Variants in GLIS3 observed in about 807,000 individuals in gnomAD.
The protein encoded by GLIS3 is GLIS family zinc finger 3.
A neutral mutation model predicts 78.6 loss-of-function variants in GLIS3; 53 were observed. That is an observed-to-expected ratio of 0.67 (90% CI 0.54 to 0.85). The LOEUF (loss-of-function observed/expected upper bound fraction) is 0.85. GLIS3 is among the 40% of genes least tolerant of loss of function. The probability of loss-of-function intolerance (pLI) is 0.00; values close to 1 mark genes in which losing one functional copy is unlikely to be tolerated. For synonymous variants in GLIS3, 684 were observed against 509.9 expected, an observed-to-expected ratio of 1.34 and a Z score of -4.60; for missense variants, 1,703 against 1,231.1, an observed-to-expected ratio of 1.38 and a Z score of -5.74.
chr9:3,839,788 A>G lies in GLIS3; in HGVS notation c.2474-10296T>C, dbSNP rs566026899. Among the ~76,000 whole-genome samples, 231 of 152,310 alleles carry G rather than the reference A, an allele frequency of 1.5e-3. 2 individuals are homozygous for G. The highest frequency in any genetic ancestry group is 4.6e-4 in the Non-Finnish European group (31 of 68,022). On this transcript the variant is annotated intron_variant, in intron 9 of 10. Transcript: ENST00000381971. ...TTTCTCACTGCCAGGTTGCAGGCAA[A>G]GTTACCCAGACTGCATCAACATTTT...
At chr9:4,059,829 T>TGTGTGTGTGTGTGTGTGTGAGAGAGAGA in intron 4 of GLIS3, among the ~76,000 whole-genome samples, 5 of 100,704 alleles carry the variant, frequency 5.0e-5, no homozygotes, top group Non-Finnish European at 1.0e-4. Flanking sequence ...TGTGTGTGTG[T>TGTGTGTGTGTGTGTGTGTGAGAGAGAGA]GAGAGAGAGA....
rs561397173 is a variant in GLIS3, at chr9:4,294,509, CA to C, written c.-99+4911del. ...GGGCAGCAAGAGCGAAATTATGTCT[CA>C]AAAAAAAAAAAAATTACAGAATAAT... On this transcript the variant is annotated intron_variant, in intron 1 of 10. Transcript: ENST00000381971. Among the ~76,000 whole-genome samples the C allele has an allele frequency of 6.1e-3, 822 of 135,694 alleles. 3 individuals carry two copies. Among genetic ancestry groups the C allele is most frequent in the African/African-American group, 0.014 (524 of 37,362 alleles). The allele number at this position is 135,694 out of a possible 152,430, so 89.0% of individuals were successfully genotyped here.
chr9:4,084,256 A>ACACACACACACACACAC (rs1828812518), intron 4 of GLIS3, among the ~76,000 whole-genome samples: 7 of 132,108 alleles, frequency 5.3e-5, no homozygotes, highest in African/African-American at 8.3e-5. Flanking sequence ...TCCTCTCTCT[A>ACACACACACACACACAC]ACACACACAC....
chr9:4,257,300 G>C (rs1001936733), intron 2 of GLIS3, among the ~76,000 whole-genome samples: 2 of 152,086 alleles, frequency 1.3e-5, no homozygotes, highest in African/African-American at 4.8e-5. Flanking sequence ...ATTGAATACA[G>C]TACATAGAAG....
intron 4 of GLIS3, among the ~76,000 whole-genome samples, chr9:3,950,675 A>G (rs1816617479): frequency 6.6e-6 from 1 of 152,248 alleles, no homozygotes; most frequent in Non-Finnish European, 1.5e-5. Context: ...AGTCTCTCAC[A>G]TATATGCCCT....
At chr9:4,391,832 G>A in the GLIS3 span, among the ~76,000 whole-genome samples, 1 of 152,128 alleles carries the variant, frequency 6.6e-6, no homozygotes, top group Non-Finnish European at 1.5e-5. Flanking sequence ...CATTGTGGAA[G>A]ACAATGTGGC....
intron 4 of GLIS3, among the ~76,000 whole-genome samples, chr9:4,062,150 C>T (rs1056324028): frequency 6.6e-6 from 1 of 152,266 alleles, no homozygotes; most frequent in East Asian, 1.9e-4. Context: ...AAGGACTGTG[C>T]GTTCTTTGAC....
At chr9:3,919,088 C>T (rs1234742223) in intron 6 of GLIS3, among the ~76,000 whole-genome samples, 1 of 152,122 alleles carries the variant, frequency 6.6e-6, no homozygotes, top group Non-Finnish European at 1.5e-5. Flanking sequence ...CTGGATGGTA[C>T]TGCTGACCTA....
intron 2 of GLIS3, among the ~76,000 whole-genome samples, chr9:4,251,724 T>C (rs1824409991): frequency 6.6e-6 from 1 of 152,200 alleles, no homozygotes; most frequent in Non-Finnish European, 1.5e-5. Context: ...ATTTGGTATG[T>C]TTTTGCAGTG....
chr9:3,858,556 CTA>C (rs1401087771), intron 8 of GLIS3, among the ~76,000 whole-genome samples: 2 of 152,024 alleles, frequency 1.3e-5, no homozygotes, highest in Non-Finnish European at 2.9e-5. Flanking sequence ...GAATTTTCCT[CTA>C]TGTTAGTCAA....
chr9:4,259,728 T>C (rs537117338), intron 2 of GLIS3, among the ~76,000 whole-genome samples: 465 of 152,216 alleles, frequency 3.1e-3, no homozygotes, highest in Non-Finnish European at 5.3e-3. Context: ...TATTCACAGA[T>C]GGGGTGGGGT....
intron 4 of GLIS3, among the ~76,000 whole-genome samples, chr9:4,048,636 A>G (rs6476798): frequency 0.76 from 116,260 of 152,072 alleles, 44,546 homozygotes; most frequent in African/African-American, 0.81. Context: ...GCACAAAAGC[A>G]TCTTTTAAGA....
intron 2 of GLIS3, among the ~76,000 whole-genome samples, chr9:4,238,607 G>C (rs1822999957): frequency 6.6e-6 from 1 of 152,184 alleles, no homozygotes; most frequent in South Asian, 2.1e-4. Context: ...AGTAGAATAA[G>C]TTTTGCCAGT....
At chr9:4,071,166 T>C (rs919802354) in intron 4 of GLIS3, 2 of 152,190 alleles carry the variant, frequency 1.3e-5, no homozygotes, top group Admixed American at 1.3e-4. Context: ...CAATGCAACG[T>C]TGGGAGGCAT....
In GLIS3 at chr9:3,827,633, T is replaced by C. The variant is rs1454241038; in HGVS notation, c.*639A>G. ...TTTTTTTTTCATTTTAAAATACGTA[T>C]AAATAACTAAGTCTTTAAAATGCAA... On this transcript the variant is annotated 3_prime_UTR_variant, in exon 11 of 11. Transcript: ENST00000381971. The C allele has an allele frequency of 6.5e-6, 1 of 154,462 alleles. No individual in the cohort carries two copies. The highest frequency in any genetic ancestry group is 1.4e-5 in the Non-Finnish European group (1 of 69,488). The allele number at this position is 154,462 out of a possible 1,614,324, so 9.6% of individuals were successfully genotyped here.
intron 2 of GLIS3, among the ~76,000 whole-genome samples, chr9:4,237,610 G>A (rs995420533): frequency 6.6e-6 from 1 of 152,076 alleles, no homozygotes; most frequent in African/African-American, 2.4e-5. Context: ...ACCAAATTCT[G>A]TTACCATTTT....
intron 2 of GLIS3, among the ~76,000 whole-genome samples, chr9:4,161,592 G>A (rs1031727568): frequency 4.0e-5 from 6 of 151,838 alleles, no homozygotes; most frequent in Non-Finnish European, 5.9e-5. Flanking sequence ...TAGTTTTCTA[G>A]GGCTGCCGTA....
At chr9:4,353,329 A>G (rs1817998515), upstream of GLIS3, among the ~76,000 whole-genome samples, 1 of 152,152 alleles carries the variant, frequency 6.6e-6, no homozygotes, top group African/African-American at 2.4e-5. Context: ...TGCTTGCTAT[A>G]TGATCTGATT....
intron 1 of GLIS3, among the ~76,000 whole-genome samples, chr9:4,292,940 T>C (rs1441988060): frequency 1.3e-5 from 2 of 152,202 alleles, no homozygotes; most frequent in Non-Finnish European, 2.9e-5. Context: ...CACTGCTGAA[T>C]TAATTACCTG....
Sources: gnomAD v4.1 joint callset for allele counts (sites outside exome capture counted in the v4.1 genomes callset) on GRCh38, gnomAD v4.1.1 for gene constraint, MANE v1.5 for transcripts, NCBI Gene and HGNC (gene_info 2026-07-23, HGNC 2026-07-21) for gene names.